The following TRAF5 variants were observed in gnomAD, a reference collection of about 807,000 sequenced individuals.
TRAF5 encodes the protein TNF receptor associated factor 5.
A neutral mutation model predicts 64.5 loss-of-function variants in TRAF5; 48 were observed. That is an observed-to-expected ratio of 0.74 (90% confidence interval 0.59 to 0.95). The LOEUF is 0.95. Ranked by LOEUF, TRAF5 falls within the 40% of genes least tolerant of loss-of-function variation. TRAF5 has a pLI of 0.00. For missense variants in TRAF5, 545 were observed against 662.8 expected (o/e 0.82, Z 1.95); for synonymous variants, 206 against 240.5 (o/e 0.86, Z 1.33).
At chr1:211,331,310 A>G (rs2102707776) in intron 1 of TRAF5, among the ~76,000 whole-genome samples, 1 of 152,338 alleles carries the variant, frequency 6.6e-6, no homozygotes, top group Admixed American at 6.5e-5. Context: ...TGTAGTAGAA[A>G]CAGTGTGGAC....
chr1:211,356,322 T>G, intron 3 of TRAF5, 45 bp from the exon 4 acceptor site: 1 of 1,524,502 alleles, frequency 6.6e-7, no homozygotes, highest in African/African-American at 1.4e-5. Flanking sequence ...TTCACATTGC[T>G]GTAAAACTTT....
intron 8 of TRAF5, among the ~76,000 whole-genome samples, chr1:211,367,119 C>G (rs1351420548): frequency 1.3e-5 from 2 of 152,086 alleles, no homozygotes; most frequent in African/African-American, 2.4e-5. Context: ...GTAGCTGGGA[C>G]TATAGGTGTG....
At chr1:211,339,351 G>A (rs1483837742) in intron 1 of TRAF5, among the ~76,000 whole-genome samples, 1 of 152,204 alleles carries the variant, frequency 6.6e-6, no homozygotes, top group Non-Finnish European at 1.5e-5. Flanking sequence ...CTAACCAGAA[G>A]AGCTGCCAGA....
chr1:211,347,419 C>G (rs767686544), intron 1 of TRAF5, among the ~76,000 whole-genome samples: 7 of 152,114 alleles, frequency 4.6e-5, no homozygotes, highest in Admixed American at 4.6e-4. Context: ...AGAACCTCAC[C>G]CAGAAAGACA....
At chr1:211,349,079 G>C (rs189164417) in intron 1 of TRAF5, among the ~76,000 whole-genome samples, 44 of 147,580 alleles carry the variant, frequency 3.0e-4, no homozygotes, top group Admixed American at 1.6e-3. Context: ...GTGGTGGCAC[G>C]CACCTGTAGT....
chr1:211,335,968 G>A (rs1351341851), intron 1 of TRAF5, among the ~76,000 whole-genome samples: 1 of 152,098 alleles, frequency 6.6e-6, no homozygotes, highest in East Asian at 1.9e-4. Context: ...GGTCTGGTCT[G>A]ATGATCTCTG....
At chr1:211,348,918 C>T (rs1191740244) in intron 1 of TRAF5, among the ~76,000 whole-genome samples, 1 of 150,614 alleles carries the variant, frequency 6.6e-6, no homozygotes, top group East Asian at 1.9e-4. Context: ...TATCTTAGAC[C>T]AGGTGCTGTG....
Position 211,374,662 on chromosome 1 carries a change from T to C in TRAF5, c.*1960T>C, listed in dbSNP as rs1558152509. 6.6e-6 allele frequency: 1 copy of C among 152,232 alleles called. No individual in the cohort carries two copies. The allele number at this position is 152,232 out of a possible 1,614,324, so 9.4% of individuals were successfully genotyped here. On this transcript the variant is annotated 3_prime_UTR_variant, in exon 11 of 11. Coordinates refer to ENST00000261464, the MANE Select transcript of TRAF5 (RefSeq NM_001033910.3). ...CCCACAAGTCCAGACCCAGGTGCTC[T>C]GTATGTTTGTTTTTAATATTCATCA... is the stretch of plus-strand genomic sequence containing the variant.
At chr1:211,355,358 T>C (rs927940609) in intron 3 of TRAF5, among the ~76,000 whole-genome samples, 1 of 152,178 alleles carries the variant, frequency 6.6e-6, no homozygotes, top group African/African-American at 2.4e-5. Context: ...TTTTCTTTTT[T>C]TGGTTGCTTG....
At chr1:211,344,061 T>C (rs1032887251) in intron 1 of TRAF5, among the ~76,000 whole-genome samples, 2 of 152,212 alleles carry the variant, frequency 1.3e-5, no homozygotes, top group African/African-American at 4.8e-5. Flanking sequence ...AAGTACCACC[T>C]GGAGTCAGGT....
intron 8 of TRAF5, among the ~76,000 whole-genome samples, chr1:211,368,449 T>A (rs1309376227): frequency 2.0e-5 from 3 of 152,166 alleles, no homozygotes; most frequent in Non-Finnish European, 4.4e-5. Context: ...GGGGTCATAG[T>A]GGACTGTGAG....
In TRAF5 at chr1:211,373,422, C is replaced by T. The variant is rs1020474939; in HGVS notation, c.*720C>T. Reference sequence around the variant, plus strand: ...AGTTCAGATTTTGTTAGGTTCAACCCTATGAAAAAAACTATTTTCATAGGT... The same window carrying T: ...AGTTCAGATTTTGTTAGGTTCAACCTTATGAAAAAAACTATTTTCATAGGT... On this transcript the variant is annotated 3_prime_UTR_variant, in exon 11 of 11. Coordinates refer to ENST00000261464, the MANE Select transcript of TRAF5 (RefSeq NM_001033910.3). 4.6e-5 allele frequency: 7 copies of T among 151,840 alleles called. No homozygotes were observed. The highest frequency in any genetic ancestry group is 1.0e-4 in the Non-Finnish European group (7 of 67,976). The allele number at this position is 151,840 out of a possible 1,614,324, so 9.4% of individuals were successfully genotyped here.
chr1:211,348,945 A>T (rs975211260), intron 1 of TRAF5, among the ~76,000 whole-genome samples: 1 of 149,836 alleles, frequency 6.7e-6, no homozygotes, highest in Admixed American at 6.8e-5. Context: ...ACCTATAGTA[A>T]TCCCATTGCT....
At chr1:211,342,114 A>T (rs1270361951) in intron 1 of TRAF5, among the ~76,000 whole-genome samples, 4 of 152,220 alleles carry the variant, frequency 2.6e-5, no homozygotes, top group Non-Finnish European at 1.5e-5. Context: ...CTGTGGGGCA[A>T]CTGCTCAGCT....
chr1:211,351,031 CTTTTTTTT>C (rs11426853), intron 1 of TRAF5, among the ~76,000 whole-genome samples: 1 of 116,038 alleles, frequency 8.6e-6, no homozygotes, highest in Non-Finnish European at 1.7e-5. Flanking sequence ...CTGGCCTCTT[CTTTTTTTT>C]TTTTTTTTTT....
intron 7 of TRAF5, among the ~76,000 whole-genome samples, chr1:211,363,300 A>G (rs1703245050): frequency 6.6e-6 from 1 of 152,234 alleles, no homozygotes; most frequent in Admixed American, 6.5e-5. Flanking sequence ...CCCACAACCC[A>G]AAGCTAAAAA....
At chr1:211,350,881 C>T (rs1702764197) in intron 1 of TRAF5, among the ~76,000 whole-genome samples, 1 of 152,088 alleles carries the variant, frequency 6.6e-6, no homozygotes, top group African/African-American at 2.4e-5. Context: ...CCAGGGACCT[C>T]TCTGGCCTCT....
rs1031731279 is a variant in TRAF5 at position 211,360,620 on chromosome 1, T to G, written c.544-82T>G. The G allele has an allele frequency of 6.2e-6, 7 of 1,131,926 alleles. No homozygotes were observed. In the African/African-American group the frequency reaches 9.2e-5, roughly 15 times the overall value. The allele number at this position is 1,131,926 out of a possible 1,614,324, so 70.1% of individuals were successfully genotyped here. A position where few individuals can be genotyped will look rare whatever the true frequency, so the allele number is the denominator to read the frequency against. Reference sequence around the variant, plus strand: ...TGTAGAGAGTAAGCCACGTGACATATAATCCCCAAAGAGACACAGGTGTAA... The same window carrying G: ...TGTAGAGAGTAAGCCACGTGACATAGAATCCCCAAAGAGACACAGGTGTAA... On this transcript the variant is annotated intron_variant, in intron 5 of 10. Coordinates refer to ENST00000261464, the MANE Select transcript of TRAF5 (RefSeq NM_001033910.3).
At chr1:211,329,598 A>AAAGG (rs758913930) in intron 1 of TRAF5, among the ~76,000 whole-genome samples, 1 of 152,194 alleles carries the variant, frequency 6.6e-6, no homozygotes, top group Non-Finnish European at 1.5e-5. Flanking sequence ...TATCTTAATT[A>AAAGG]AAGGAAGCCA....
Sources: gnomAD v4.1 joint callset for allele counts (sites outside exome capture counted in the v4.1 genomes callset) on GRCh38, gnomAD v4.1.1 for gene constraint, MANE v1.5 for transcripts, NCBI Gene and HGNC (gene_info 2026-07-23, HGNC 2026-07-21) for gene names.